The following TIAM2 variants were observed in gnomAD, a reference collection of about 807,000 sequenced individuals.
The protein encoded by TIAM2 is TIAM Rac1 associated GEF 2, also known as rho guanine nucleotide exchange factor TIAM2.
A neutral mutation model predicts 152.9 loss-of-function variants in TIAM2; 80 were observed. That is an observed-to-expected ratio of 0.52 (90% CI 0.44 to 0.63). The LOEUF is 0.63. Ranked by LOEUF, TIAM2 falls within the 30% of genes least tolerant of loss-of-function variation. TIAM2 has a pLI of 0.00. For synonymous variants in TIAM2, 804 were observed against 838.0 expected (o/e 0.96, Z 0.70); for missense variants, 1,965 against 2,120.1 (o/e 0.93, Z 1.44).
Position 155,201,658 on chromosome 6 carries a change from TAAG to T in TIAM2, c.3065-9542_3065-9540del, listed in dbSNP as rs565422281. Reference sequence around the variant, plus strand: ...ATCTAAACGCTCTTTTTCGTTGTTCTAAGAAGGAGTATTGCAGTCAGTGTGGAG... The same window carrying T: ...ATCTAAACGCTCTTTTTCGTTGTTCTAAGGAGTATTGCAGTCAGTGTGGAG... On this transcript the variant is annotated intron_variant, in intron 14 of 26. Coordinates refer to ENST00000682666, the MANE Select transcript of TIAM2 (RefSeq NM_012454.4). 8.5e-5 allele frequency among the ~76,000 whole-genome samples: 13 copies of T among 152,344 alleles called. No individual in the cohort carries two copies. In the East Asian group the frequency reaches 1.7e-3, roughly 20 times the overall value.
At chr6:155,091,028 G>A (rs902173244) in intron 2 of TIAM2, among the ~76,000 whole-genome samples, 11 of 152,096 alleles carry the variant, frequency 7.2e-5, no homozygotes, top group Non-Finnish European at 1.5e-4. Context: ...TCTGGAGTTC[G>A]TGCGTGCTTA....
At chr6:154,997,335 A>G (rs965317998) in intron 1 of TIAM2, among the ~76,000 whole-genome samples, 5 of 152,128 alleles carry the variant, frequency 3.3e-5, no homozygotes, top group African/African-American at 1.2e-4. Flanking sequence ...ATTTTTGTAT[A>G]TACCTCTGGC....
intron 9 of TIAM2, among the ~76,000 whole-genome samples, chr6:155,168,672 G>A (rs370333849): frequency 5.3e-5 from 8 of 152,232 alleles, no homozygotes; most frequent in Middle Eastern, 3.4e-3. Context: ...AAAGTAAAAC[G>A]TAACTATGCG....
intron 16 of TIAM2, 28 bp from the exon 17 acceptor site, chr6:155,243,983 G>A (rs1193309278): frequency 1.9e-6 from 3 of 1,589,668 alleles, no homozygotes; most frequent in Non-Finnish European, 2.6e-6. Flanking sequence ...CTAAAGCGTT[G>A]AAGACACTTT....
intron 3 of TIAM2, among the ~76,000 whole-genome samples, chr6:155,128,925 T>C (rs2115036395): frequency 6.6e-6 from 1 of 152,266 alleles, no homozygotes; most frequent in East Asian, 1.9e-4. Flanking sequence ...GAAGCAGATC[T>C]TTCTCATAAG....
At chr6:155,256,020 G>GA in intron 26 of TIAM2, 1 of 86,486 alleles carries the variant, frequency 1.2e-5, no homozygotes, top group Admixed American at 1.7e-4. Flanking sequence ...TAAAAAAAAA[G>GA]GGGGGGGGAG....
intron 24 of TIAM2, 97 bp downstream of exon 24, chr6:155,253,150 G>A: frequency 9.5e-7 from 1 of 1,049,578 alleles, no homozygotes; most frequent in East Asian, 2.7e-5. Flanking sequence ...AATTTTTGGT[G>A]CCTTTTATTT....
intron 1 of TIAM2, among the ~76,000 whole-genome samples, chr6:155,026,961 A>G (rs920220948): frequency 6.6e-6 from 1 of 152,052 alleles, no homozygotes; most frequent in African/African-American, 2.4e-5. Context: ...CACCTTTATG[A>G]TATTCTGCAT....
intron 6 of TIAM2, among the ~76,000 whole-genome samples, 170 bp downstream of exon 6, chr6:155,144,948 A>G (rs1206445327): frequency 1.3e-5 from 2 of 152,224 alleles, no homozygotes; most frequent in African/African-American, 4.8e-5. Flanking sequence ...GCACTGGGCC[A>G]TCAGCAATCC....
At chr6:155,240,440 C>G in intron 15 of TIAM2, 90 bp from the exon 16 acceptor site, 1 of 1,395,024 alleles carries the variant, frequency 7.2e-7, no homozygotes. Flanking sequence ...CCCTGCTGAG[C>G]ACAGACGGAG....
rs1443653015 is a variant in TIAM2, at chr6:155,129,987, G to T, written c.764G>T (p.Gly255Val). The part of the protein sequence containing the change: ...SESSWYDSPW[G>V]NAGELSEAEG... ...TCATCCTGGTACGACTCCCCTTGGG[G>T]CAATGCTGGAGAGCTGAGCGAGGCT... Residue 255 changes from glycine to valine, a missense_variant, in exon 4 of 27, where the codon GGC becomes GTC. Physicochemically the swap from Gly to Val is moderately radical, Grantham distance 109. Transcript: ENST00000682666. The surrounding 1 kb of genome is among the most constrained non-coding windows in gnomAD (Gnocchi z 4.8). The T allele has an allele frequency of 6.2e-7, 1 of 1,614,150 alleles. No homozygotes were observed. Among genetic ancestry groups the T allele is most frequent in the African/African-American group, 1.3e-5 (1 of 75,070 alleles).
At chr6:155,155,813 T>C (rs984145747) in intron 7 of TIAM2, among the ~76,000 whole-genome samples, 2 of 152,200 alleles carry the variant, frequency 1.3e-5, no homozygotes, top group Admixed American at 1.3e-4. Flanking sequence ...ATGTTTGGTT[T>C]AGTTAAATGA....
At chr6:155,157,705 A>G (rs1780160562) in intron 7 of TIAM2, among the ~76,000 whole-genome samples, 1 of 152,208 alleles carries the variant, frequency 6.6e-6, no homozygotes, top group African/African-American at 2.4e-5. Context: ...GGTAAGTGGT[A>G]GAGCTGGGAT....
chr6:155,117,647 T>A (rs1779046840), intron 2 of TIAM2, among the ~76,000 whole-genome samples: 2 of 152,218 alleles, frequency 1.3e-5, no homozygotes, highest in Non-Finnish European at 2.9e-5. Context: ...TTCACCATGT[T>A]GATCGGGCTG....
intron 1 of TIAM2, among the ~76,000 whole-genome samples, chr6:155,057,835 C>T (rs944268721): frequency 1.4e-4 from 22 of 152,146 alleles, no homozygotes; most frequent in East Asian, 3.9e-4. Context: ...CATGAGCCAC[C>T]GCGCCTGGCC....
intron 7 of TIAM2, among the ~76,000 whole-genome samples, chr6:155,148,785 T>G (rs985228480): frequency 3.9e-5 from 6 of 152,216 alleles, no homozygotes; most frequent in Admixed American, 6.5e-5. Flanking sequence ...TTTTTCTGGT[T>G]ATAACAGAGA....
chr6:155,053,295 G>C lies in TIAM2; in HGVS notation c.-208-36994G>C, dbSNP rs527916939. Among the ~76,000 whole-genome samples the C allele has an allele frequency of 2.6e-5, 4 of 152,232 alleles. No homozygotes were observed. In the East Asian group the frequency reaches 7.7e-4, roughly 29 times the overall value. ...TTGGAGGAATTGGATTTCTGGATAA[G>C]GGGGTACGTGGGAGCTTTTTAAACT... On this transcript the variant is annotated intron_variant, in intron 1 of 26. Coordinates refer to ENST00000682666, the MANE Select transcript of TIAM2 (RefSeq NM_012454.4).
chr6:155,190,500 G>A (rs2115164449), intron 14 of TIAM2, among the ~76,000 whole-genome samples: 1 of 152,360 alleles, frequency 6.6e-6, no homozygotes, highest in Non-Finnish European at 1.5e-5. Flanking sequence ...CTGGTGGGGA[G>A]GGGACACCCC....
intron 1 of TIAM2, among the ~76,000 whole-genome samples, chr6:155,020,663 A>C (rs929049209): frequency 6.6e-6 from 1 of 152,096 alleles, no homozygotes; most frequent in East Asian, 1.9e-4. Flanking sequence ...GGGTTTCGTC[A>C]TGTTGGCCAG....
Sources: allele counts gnomAD v4.1 joint callset (sites outside exome capture counted in the v4.1 genomes callset), GRCh38; gene constraint gnomAD v4.1.1; non-coding constraint Gnocchi (gnomAD v3.1); transcripts MANE v1.5; gene names NCBI Gene and HGNC (gene_info 2026-07-23, HGNC 2026-07-21).